Variants in ARHGAP32 observed in about 807,000 individuals in gnomAD.
The protein encoded by ARHGAP32 is rho GTPase-activating protein 32.
Under a neutral mutation model 186.5 loss-of-function variants are expected in ARHGAP32, and 51 were observed. The observed-to-expected ratio is 0.27, with a 90% CI of 0.22 to 0.35. The LOEUF (loss-of-function observed/expected upper bound fraction) is 0.35. ARHGAP32 is among the 10% of genes least tolerant of loss of function. ARHGAP32 has a pLI of 1.00. For synonymous variants in ARHGAP32, 950 were observed against 964.3 expected (o/e 0.99, Z 0.27); for missense variants, 2,186 against 2,623.5 (o/e 0.83, Z 3.64).
chr11:129,242,659 A>G (rs1945034584), intron 1 of ARHGAP32, among the ~76,000 whole-genome samples: 1 of 151,076 alleles, frequency 6.6e-6, no homozygotes. Context: ...TGGAGCTTGC[A>G]GTGAGCCGAG....
chr11:129,273,193 C>G (rs1297598248), intron 1 of ARHGAP32, among the ~76,000 whole-genome samples: 1 of 152,174 alleles, frequency 6.6e-6, no homozygotes. Context: ...TAGTTTGTCT[C>G]CCCATGAAAT....
intron 1 of ARHGAP32, among the ~76,000 whole-genome samples, chr11:129,259,757 A>G (rs1279091724): frequency 6.6e-6 from 1 of 152,172 alleles, no homozygotes; most frequent in Admixed American, 6.5e-5. Flanking sequence ...TTGTAAGTGG[A>G]GACAGTATTT....
At chr11:129,218,278 G>A (rs1377134330) in intron 1 of ARHGAP32, among the ~76,000 whole-genome samples, 5 of 152,138 alleles carry the variant, frequency 3.3e-5, no homozygotes, top group Admixed American at 2.6e-4. Flanking sequence ...CTAATGAAGT[G>A]CAAACTTCCT....
At chr11:129,067,403 C>A (rs1940728996) in intron 6 of ARHGAP32, among the ~76,000 whole-genome samples, 1 of 152,094 alleles carries the variant, frequency 6.6e-6, no homozygotes, top group Non-Finnish European at 1.5e-5. Context: ...CCCAATCTCA[C>A]AAGCTCATTT....
chr11:129,113,379 C>T (rs1250649766), intron 5 of ARHGAP32, among the ~76,000 whole-genome samples: 1 of 152,128 alleles, frequency 6.6e-6, no homozygotes, highest in Non-Finnish European at 1.5e-5. Context: ...TAATTTAATA[C>T]TGCACCTTTA....
At position 128,973,448 on chromosome 11, in the gene ARHGAP32, G is replaced by A. The variant is rs1565348805; in HGVS notation, c.3074-16C>T. ...GTAACTGCTCCTAGTGGGAAATTGG[G>A]AAAAAAAATGAGAGTGAAAAGGTAG... On this transcript the variant is annotated splice_polypyrimidine_tract_variant and intron_variant, in intron 21 of 22. Coordinates refer to ENST00000682385, the MANE Select transcript of ARHGAP32 (RefSeq NM_001378024.1). 2 of 1,599,484 alleles carry A rather than the reference G, an allele frequency of 1.3e-6. No individual in the cohort carries two copies. The highest frequency in any genetic ancestry group is 2.2e-5 in the East Asian group (1 of 44,722).
intron 2 of ARHGAP32, among the ~76,000 whole-genome samples, chr11:129,140,936 G>A (rs1307801161): frequency 6.6e-6 from 1 of 152,058 alleles, no homozygotes; most frequent in Non-Finnish European, 1.5e-5. Context: ...CCCCTTCCAA[G>A]GTGTCTACCA....
At chr11:129,069,211 A>G (rs1407500796) in intron 6 of ARHGAP32, among the ~76,000 whole-genome samples, 2 of 152,106 alleles carry the variant, frequency 1.3e-5, no homozygotes, top group African/African-American at 4.8e-5. Context: ...GATGCTGAAT[A>G]TATTTAGATT....
In ARHGAP32 at chr11:129,130,539, T is replaced by C. The variant is rs549743897; in HGVS notation, c.226-5645A>G. On this transcript the variant is annotated intron_variant, in intron 2 of 22. Transcript: ENST00000682385. Reference sequence around the variant, plus strand: ...AACAAAATAACTAATAATCCAATTTTTAAACTTGCAAAAAAAAAACCTCAA... The same window carrying C: ...AACAAAATAACTAATAATCCAATTTCTAAACTTGCAAAAAAAAAACCTCAA... Among the ~76,000 whole-genome samples the C allele has an allele frequency of 6.1e-5, 9 of 147,496 alleles. No homozygotes were observed. In the East Asian group the frequency reaches 1.8e-3, roughly 29 times the overall value.
intron 1 of ARHGAP32, among the ~76,000 whole-genome samples, chr11:129,263,560 AAG>A (rs1945351977): frequency 7.6e-6 from 1 of 132,196 alleles, no homozygotes; most frequent in East Asian, 2.6e-4. Context: ...TGGCAAAAAA[AAG>A]GAGGAGGAGG....
chr11:129,087,735 G>A (rs371535114), intron 6 of ARHGAP32, among the ~76,000 whole-genome samples: 4 of 152,186 alleles, frequency 2.6e-5, no homozygotes, highest in African/African-American at 7.2e-5. Context: ...AAACTATAAA[G>A]TTGGGCGATA....
chr11:129,037,603 C>T (rs942875040), intron 11 of ARHGAP32, among the ~76,000 whole-genome samples: 1 of 151,896 alleles, frequency 6.6e-6, no homozygotes, highest in Admixed American at 6.6e-5. Flanking sequence ...AGTTGATCTA[C>T]AGGTTCAATA....
chr11:129,208,367 C>T (rs1484111119), intron 1 of ARHGAP32, among the ~76,000 whole-genome samples: 1 of 152,104 alleles, frequency 6.6e-6, no homozygotes, highest in Non-Finnish European at 1.5e-5. Context: ...CATTAATAAA[C>T]CTTGCTGAGC....
intron 11 of ARHGAP32, among the ~76,000 whole-genome samples, chr11:129,016,547 G>A (rs1056476945): frequency 2.0e-5 from 3 of 152,000 alleles, no homozygotes; most frequent in Admixed American, 1.3e-4. Context: ...TCTATCTTAC[G>A]TGAAAAATGC....
At chr11:129,180,374 T>C (rs865927247) in intron 1 of ARHGAP32, among the ~76,000 whole-genome samples, 10 of 152,124 alleles carry the variant, frequency 6.6e-5, no homozygotes, top group Middle Eastern at 3.4e-3. Context: ...GGGACAAAGG[T>C]TTTGTGTGTG....
At chr11:129,117,518 A>G (rs1373253891) in intron 5 of ARHGAP32, among the ~76,000 whole-genome samples, 2 of 151,998 alleles carry the variant, frequency 1.3e-5, no homozygotes, top group East Asian at 3.9e-4. Flanking sequence ...CAAGGCAGAA[A>G]TGCATGTAAT....
chr11:129,146,673 T>C (rs150383928), intron 2 of ARHGAP32, among the ~76,000 whole-genome samples: 1 of 152,046 alleles, frequency 6.6e-6, no homozygotes, highest in Non-Finnish European at 1.5e-5. Context: ...TACAAAAGGA[T>C]AGAGCCCCAT....
chr11:128,970,574 G>A lies in ARHGAP32; in HGVS notation c.4639C>T (p.Arg1547Cys), dbSNP rs142674734. The A allele has an allele frequency of 7.3e-5, 118 of 1,614,156 alleles. No individual in the cohort carries two copies. Among genetic ancestry groups the A allele is most frequent in the Non-Finnish European group, 8.6e-5 (102 of 1,180,024 alleles). ...RSEPPASMGL[R>C]YNTYVAPGRN... ...CCTGGGGCCACATATGTGTTATAAC[G>A]AAGACCCATGGAGGCTGGTGGCTCT... The change falls in exon 23 of 23, where the codon CGT (arginine) becomes TGT (cysteine). Residue 1547 changes from arginine (R) to cysteine (C), a missense_variant. By Grantham distance (180) the Arg-to-Cys change is radical. Around this residue, in one of 5 missense-constraint regions of ARHGAP32, gnomAD observed 1,502 missense variants for 1,570.0 expected, o/e 0.96. Transcript: ENST00000682385. The surrounding 1 kb of genome is among the most constrained non-coding windows in gnomAD (Gnocchi z 5.8).
At chr11:129,115,514 C>A (rs371792007) in intron 5 of ARHGAP32, among the ~76,000 whole-genome samples, 1 of 152,074 alleles carries the variant, frequency 6.6e-6, no homozygotes, top group East Asian at 1.9e-4. Flanking sequence ...ACTAGAATCA[C>A]CATCAGTTCA....
Sources: allele counts gnomAD v4.1 joint callset (sites outside exome capture counted in the v4.1 genomes callset), GRCh38; gene constraint gnomAD v4.1.1; regional missense constraint gnomAD v4.1.1; non-coding constraint Gnocchi (gnomAD v3.1); transcripts MANE v1.5; gene names NCBI Gene and HGNC (gene_info 2026-07-23, HGNC 2026-07-21).